The following KIAA1755 variants were observed in gnomAD, a reference collection of about 807,000 sequenced individuals.
KIAA1755 encodes the protein uncharacterized protein KIAA1755.
Under a neutral mutation model 91.7 loss-of-function variants are expected in KIAA1755, and 68 were observed. The observed-to-expected ratio is 0.74, with a 90% CI of 0.61 to 0.91. The LOEUF (loss-of-function observed/expected upper bound fraction) is 0.91, where lower values mean the gene tolerates loss of function less well. Among genes scored for constraint, KIAA1755 ranks in the 40% least tolerant of loss-of-function variants. The pLI, the probability that KIAA1755 is intolerant of heterozygous loss-of-function variation, is 0.00. For synonymous variants in KIAA1755, 610 were observed against 604.6 expected (o/e 1.01, Z -0.13); for missense variants, 1,535 against 1,494.4 (o/e 1.03, Z -0.45).
rs541163396 is a variant in KIAA1755, at chr20:38,244,367, A to C, written c.201+1562T>G. Among the ~76,000 whole-genome samples the C allele has an allele frequency of 5.2e-3, 789 of 152,336 alleles. 6 individuals carry two copies. The highest frequency in any genetic ancestry group is 7.4e-3 in the Non-Finnish European group (501 of 68,036). Reference sequence around the variant, plus strand: ...CTATGAGCCAGGCTCTGTGCTAAGCATGTAAAATAGATTATCTCACTTTCC... The same window carrying C: ...CTATGAGCCAGGCTCTGTGCTAAGCCTGTAAAATAGATTATCTCACTTTCC... On this transcript the variant is annotated intron_variant, in intron 2 of 13. Transcript: ENST00000279024.
chr20:38,212,290 G>T lies in KIAA1755; in HGVS notation c.*752C>A, dbSNP rs1463384685. On this transcript the variant is annotated 3_prime_UTR_variant, in exon 14 of 14. Transcript: ENST00000279024. The stretch of plus-strand genomic sequence containing the variant: ...ACTGCACTCCAGCCTGGACACCAGA[G>T]TGAGACCCTGTCTCTGGTGGGGTCG... The T allele has an allele frequency of 6.7e-6, 1 of 148,958 alleles. No individual in the cohort carries two copies. The highest frequency in any genetic ancestry group is 1.5e-5 in the Non-Finnish European group (1 of 67,338). The allele number at this position is 148,958 out of a possible 1,614,324, so 9.2% of individuals were successfully genotyped here.
At chr20:38,240,010 C>G (rs1215208961) in intron 3 of KIAA1755, among the ~76,000 whole-genome samples, 2 of 152,214 alleles carry the variant, frequency 1.3e-5, no homozygotes, top group Non-Finnish European at 2.9e-5. Context: ...GATCCTCCCA[C>G]CTCAGCCTCC....
rs943412716 is a variant in KIAA1755 at position 38,228,032 on chromosome 20, T to C, written c.1965+115A>G. On this transcript the variant is annotated intron_variant, in intron 6 of 13. Transcript: ENST00000279024. ...AGTTTTCTGTTGGCTGCAGTAAAAGTCCCTGCCTGAGAGTCCTGGTCCCAG... is the reference window on the plus strand; with the variant it reads ...AGTTTTCTGTTGGCTGCAGTAAAAGCCCCTGCCTGAGAGTCCTGGTCCCAG... 3.2e-5 allele frequency: 20 copies of C among 630,100 alleles called. 1 individual carries two copies. The highest frequency in any genetic ancestry group is 1.7e-4 in the African/African-American group (9 of 52,754). The allele number at this position is 630,100 out of a possible 1,614,324, so 39.0% of individuals were successfully genotyped here. A position where few individuals can be genotyped will look rare whatever the true frequency, so the allele number is the denominator to read the frequency against.
At position 38,246,086 on chromosome 20, in the gene KIAA1755, G is replaced by A. The variant is rs142942023; in HGVS notation, c.44C>T (p.Ala15Val). The change falls in exon 2 of 14, where the codon GCG (alanine) becomes GTG (valine). Residue 15 changes from alanine to valine, a missense_variant. Coordinates refer to ENST00000279024, the MANE Select transcript of KIAA1755 (RefSeq NM_001029864.2). ...SLDTAIQHALAGLYPPFEATA... is the reference protein window; with the variant it reads ...SLDTAIQHALVGLYPPFEATA... ...GGCCTCGAAAGGAGGATAGAGGCCC[G>A]CCAGGGCATGCTGGATGGCTGTGTC... 16 of 1,613,896 alleles carry A rather than the reference G, an allele frequency of 9.9e-6. No homozygotes were observed. Among genetic ancestry groups the A allele is most frequent in the South Asian group, 2.2e-5 (2 of 91,058 alleles).
intron 2 of KIAA1755, among the ~76,000 whole-genome samples, chr20:38,244,267 T>C (rs749285552): frequency 6.6e-6 from 1 of 152,226 alleles, no homozygotes; most frequent in South Asian, 2.1e-4. Context: ...TAGTGTCATG[T>C]GGAAGTGGCT....
chr20:38,224,030 T>C (rs2075710527), intron 8 of KIAA1755, among the ~76,000 whole-genome samples: 1 of 152,166 alleles, frequency 6.6e-6, no homozygotes, highest in Non-Finnish European at 1.5e-5. Flanking sequence ...GGGAACATTT[T>C]CAGCTGAGTC....
At position 38,212,440 on chromosome 20, in the gene KIAA1755, C is replaced by G. The variant is rs1009841648; in HGVS notation, c.*602G>C. 6.6e-6 allele frequency: 1 copy of G among 152,168 alleles called. No individual in the cohort carries two copies. Among genetic ancestry groups the G allele is most frequent in the Non-Finnish European group, 1.5e-5 (1 of 68,058 alleles). 9.4% of individuals were successfully genotyped at this position (152,168 alleles called of 1,614,324 possible). ...AGGCCCCATCTCTAAACATAAAATA[C>G]AATGAAGTTTTAAAAATTAAAAAAA... On this transcript the variant is annotated 3_prime_UTR_variant, in exon 14 of 14. Transcript: ENST00000279024.
At chr20:38,226,122 G>A (rs927385913) in intron 7 of KIAA1755, among the ~76,000 whole-genome samples, 8 of 152,198 alleles carry the variant, frequency 5.3e-5, no homozygotes, top group Non-Finnish European at 1.0e-4. Flanking sequence ...CAAACTGATG[G>A]AAGCTGGCCC....
chr20:38,233,808 G>A (rs1021750232), intron 4 of KIAA1755: 1 of 152,156 alleles, frequency 6.6e-6, no homozygotes, highest in African/African-American at 2.4e-5. Context: ...TCATACACTA[G>A]GTGTTAGGGG....
At chr20:38,227,380 C>A in intron 6 of KIAA1755, 140 bp from the exon 7 acceptor site, 1 of 572,622 alleles carries the variant, frequency 1.7e-6, no homozygotes, top group Non-Finnish European at 3.1e-6. Flanking sequence ...TGACTGGAAT[C>A]TTTGTGTGAT....
Position 38,240,900 on chromosome 20 carries a change from C to T in KIAA1755, c.1231G>A (p.Val411Met). The T allele has an allele frequency of 1.9e-6, 3 of 1,614,090 alleles. No homozygotes were observed. Among genetic ancestry groups the T allele is most frequent in the Non-Finnish European group, 2.5e-6 (3 of 1,179,990 alleles). The change falls in exon 3 of 14, where the codon GTG becomes ATG. Residue 411 changes from valine to methionine, a missense_variant. Val to Met is a conservative substitution (Grantham distance 21). Transcript: ENST00000279024. The part of the protein sequence containing the change: ...QGPLGNPENM[V>M]QLRPGPRQAS... ...TGTCTTGGTCCAGGCCTGAGCTGCA[C>T]CATATTCTCTGGGTTTCCTAGAGGT... is the stretch of plus-strand genomic sequence containing the variant.
At chr20:38,247,370 G>A (rs1238920973) in intron 1 of KIAA1755, among the ~76,000 whole-genome samples, 3 of 151,268 alleles carry the variant, frequency 2.0e-5, no homozygotes, top group East Asian at 1.9e-4. Flanking sequence ...TGCTCACCTC[G>A]AGGCCACCGC....
intron 1 of KIAA1755, among the ~76,000 whole-genome samples, chr20:38,255,739 A>T (rs1309516360): frequency 6.6e-6 from 1 of 152,112 alleles, no homozygotes; most frequent in East Asian, 1.9e-4. Flanking sequence ...AAACTTTCAG[A>T]AACTGGGAAA....
At chr20:38,220,297 CTTT>C (rs35575614) in intron 10 of KIAA1755, among the ~76,000 whole-genome samples, 4 of 134,382 alleles carry the variant, frequency 3.0e-5, no homozygotes, top group African/African-American at 2.8e-5. Flanking sequence ...TGATGTTTCC[CTTT>C]TTTTTTTTTT....
At position 38,239,295 on chromosome 20, in the gene KIAA1755, G is replaced by A. The variant is rs78663739; in HGVS notation, c.1747+233C>T. Among the ~76,000 whole-genome samples, 1,052 of 152,320 alleles carry A rather than the reference G, an allele frequency of 6.9e-3. 15 individuals carry two copies. The highest frequency in any genetic ancestry group is 0.024 in the African/African-American group (1,009 of 41,570). ...CACCTTGGCTGCTTCACTGATGGAT[G>A]GACAAGTAGACAGATGGACAGACAG... On this transcript the variant is annotated intron_variant, in intron 4 of 13. Transcript: ENST00000279024.
chr20:38,244,049 A>G (rs2076112585), intron 2 of KIAA1755, among the ~76,000 whole-genome samples: 2 of 152,164 alleles, frequency 1.3e-5, no homozygotes, highest in Non-Finnish European at 2.9e-5. Context: ...ATCACACATG[A>G]CTTCCCATTG....
chr20:38,222,503 G>A lies in KIAA1755; in HGVS notation c.2363C>T (p.Thr788Ile). ...GGCATCATGCTGCAGCCTGGCCAGG[G>A]TGGCTCCACCTTCCCGCTGGAGGCC... is the stretch of plus-strand genomic sequence containing the variant. ...LLGLQREGGA[T>I]LARLQHDASR... Residue 788 changes from threonine to isoleucine, a missense_variant, in exon 10 of 14, where the codon ACC (threonine) becomes ATC (isoleucine). Coordinates refer to ENST00000279024, the MANE Select transcript of KIAA1755 (RefSeq NM_001029864.2). 6.2e-7 allele frequency: 1 copy of A among 1,613,828 alleles called. No individual in the cohort carries two copies. The highest frequency in any genetic ancestry group is 8.5e-7 in the Non-Finnish European group (1 of 1,180,006).
chr20:38,250,543 A>G (rs1170496348), intron 1 of KIAA1755, among the ~76,000 whole-genome samples: 1 of 139,014 alleles, frequency 7.2e-6, no homozygotes, highest in Non-Finnish European at 1.6e-5. Context: ...TGTGGTTTTA[A>G]GGAGCAGAAA....
intron 3 of KIAA1755, among the ~76,000 whole-genome samples, chr20:38,240,071 A>ATTCC (rs1161533013): frequency 1.3e-5 from 2 of 151,336 alleles, no homozygotes; most frequent in Non-Finnish European, 3.0e-5. Context: ...TTTTTTATTT[A>ATTCC]TTCCTTCCTT....
Sources: gnomAD v4.1 joint callset for allele counts (sites outside exome capture counted in the v4.1 genomes callset) on GRCh38, gnomAD v4.1.1 for gene constraint, MANE v1.5 for transcripts, NCBI Gene and HGNC (gene_info 2026-07-23, HGNC 2026-07-21) for gene names.